Variants in CTBP2 observed in about 807,000 individuals in gnomAD.
CTBP2 encodes the protein C-terminal-binding protein 2.
CTBP2 carries 30 observed loss-of-function variants against 80.3 expected under a neutral mutation model. The observed-to-expected ratio is 0.37, with a 90% CI of 0.28 to 0.51. The LOEUF (loss-of-function observed/expected upper bound fraction) is 0.51, where lower values mean the gene tolerates loss of function less well. Ranked by LOEUF, CTBP2 falls within the 20% of genes least tolerant of loss-of-function variation. The probability of loss-of-function intolerance (pLI) is 0.93; values close to 1 mark genes in which losing one functional copy is unlikely to be tolerated. For synonymous variants in CTBP2, 594 were observed against 587.4 expected (o/e 1.01, Z -0.16); for missense variants, 1,212 against 1,375.3 (o/e 0.88, Z 1.88).
intron 2 of CTBP2, among the ~76,000 whole-genome samples, chr10:125,052,080 C>T (rs1017114506): frequency 2.6e-5 from 4 of 152,198 alleles, no homozygotes; most frequent in East Asian, 1.9e-4. Flanking sequence ...AACCCGAGCA[C>T]GCCAACACAT....
Position 124,984,883 on chromosome 10 carries a change from A to T in CTBP2, c.*4635T>A. On this transcript the variant is annotated 3_prime_UTR_variant, in exon 9 of 9. Coordinates refer to ENST00000309035, the MANE Select transcript of CTBP2 (RefSeq NM_022802.3). ...CAGAAGAGTTCTCGGCGGCGAAATC[A>T]CCCCCTGGTCACTCAGATGGTAGAA... 1 of 1,613,688 alleles carries T rather than the reference A, an allele frequency of 6.2e-7. No homozygotes were observed. The highest frequency in any genetic ancestry group is 8.5e-7 in the Non-Finnish European group (1 of 1,179,958).
intron 1 of CTBP2, among the ~76,000 whole-genome samples, chr10:125,150,363 G>A (rs1410325052): frequency 1.3e-5 from 2 of 152,232 alleles, no homozygotes; most frequent in Non-Finnish European, 2.9e-5. Flanking sequence ...ATAACCCCAG[G>A]AGAGTGTGCC....
chr10:125,142,644 C>G (rs1858033574), intron 1 of CTBP2, among the ~76,000 whole-genome samples: 1 of 152,148 alleles, frequency 6.6e-6, no homozygotes, highest in African/African-American at 2.4e-5. Context: ...ATTTTGAAAA[C>G]TTGATCCTTC....
intron 2 of CTBP2, among the ~76,000 whole-genome samples, chr10:125,083,844 G>A (rs559633786): frequency 8.0e-4 from 122 of 152,222 alleles, no homozygotes; most frequent in Non-Finnish European, 1.3e-3. Flanking sequence ...GCAGTGGTGC[G>A]ATCTGGGCTC....
intron 3 of CTBP2, among the ~76,000 whole-genome samples, chr10:125,036,666 GGGGT>G (rs1345865367): frequency 0.049 from 4,913 of 100,024 alleles, 67 homozygotes; most frequent in Admixed American, 0.095. Flanking sequence ...AAAGCTAGAG[GGGGT>G]GTGTGTGTGT....
rs77603788 is a variant in CTBP2 at position 124,994,534 on chromosome 10, C to T, written c.2335G>A (p.Val779Ile). ...TCGTTGAGATTGCAGTGCAAGGAGA[C>T]GCAGTCGCTCTGATACAGCAAATCC... The change falls in exon 5 of 9, where the codon GTC (valine) becomes ATC (isoleucine). Residue 779 changes from valine to isoleucine, a missense_variant. This residue lies in a region of CTBP2 where 335 missense variants were observed against 504.7 expected (regional missense o/e 0.66). Coordinates refer to ENST00000309035, the MANE Select transcript of CTBP2 (RefSeq NM_022802.3). The T allele has an allele frequency of 8.1e-6, 13 of 1,614,034 alleles. No homozygotes were observed. The highest frequency in any genetic ancestry group is 3.3e-5 in the Admixed American group (2 of 60,026).
intron 2 of CTBP2, among the ~76,000 whole-genome samples, chr10:125,084,216 A>C (rs1369660428): frequency 6.6e-6 from 1 of 152,168 alleles, no homozygotes; most frequent in Non-Finnish European, 1.5e-5. Flanking sequence ...TGGCCTCCCA[A>C]AGTCGTGGGA....
chr10:125,135,182 G>A (rs1335995149), intron 1 of CTBP2, among the ~76,000 whole-genome samples: 1 of 152,004 alleles, frequency 6.6e-6, no homozygotes, highest in African/African-American at 2.4e-5. Flanking sequence ...CCCTGACTCT[G>A]CCTTCTACAA....
intron 2 of CTBP2, among the ~76,000 whole-genome samples, chr10:125,081,333 G>A (rs970757581): frequency 6.6e-6 from 1 of 152,174 alleles, no homozygotes; most frequent in African/African-American, 2.4e-5. Flanking sequence ...GATCTTATTG[G>A]GACTACTGGC....
rs545888355 is a variant in CTBP2 at position 125,026,657 on chromosome 10, C to T, written c.1103G>A (p.Arg368Gln). ...GCTTCGGTGGCTGAAGCTGCTGGAC[C>T]GCGCCCGGGGCAGCGGGCCCCCCCG... The change falls in exon 1 of 9, where the codon CGG becomes CAG. Residue 368 changes from arginine (R) to glutamine (Q), a missense_variant. By Grantham distance (43) the Arg-to-Gln change is conservative. Transcript: ENST00000309035. 5.2e-5 allele frequency: 83 copies of T among 1,595,074 alleles called. No homozygotes were observed. The Middle Eastern group carries it at 8.4e-4, about 16-fold the overall frequency.
chr10:125,147,932 T>C (rs1043364222), intron 1 of CTBP2, among the ~76,000 whole-genome samples: 1 of 151,892 alleles, frequency 6.6e-6, no homozygotes, highest in South Asian at 2.1e-4. Flanking sequence ...ACACATACGG[T>C]ACGTCAGGCC....
At chr10:125,109,243 G>A (rs769713536) in intron 2 of CTBP2, among the ~76,000 whole-genome samples, 1 of 152,230 alleles carries the variant, frequency 6.6e-6, no homozygotes, top group African/African-American at 2.4e-5. Context: ...GGTCCATCCA[G>A]CGGAGATGCT....
Position 124,990,963 on chromosome 10 carries a change from C to G in CTBP2, c.2778-1265G>C, listed in dbSNP as rs531702147. Among the ~76,000 whole-genome samples, 27 of 152,354 alleles carry G rather than the reference C, an allele frequency of 1.8e-4. No individual in the cohort carries two copies. In the East Asian group the frequency reaches 4.2e-3, roughly 24 times the overall value. ...TACAAGCCACCCAGTCTATGCTACT[C>G]AATTATGGCAGCCAGAACTCACTAA... is the stretch of plus-strand genomic sequence containing the variant. On this transcript the variant is annotated intron_variant, in intron 8 of 8. Coordinates refer to ENST00000309035, the MANE Select transcript of CTBP2 (RefSeq NM_022802.3).
rs373332680 is a variant in CTBP2, at chr10:125,129,197, C to A, written c.-205-18104G>T. Among the ~76,000 whole-genome samples the A allele has an allele frequency of 5.1e-4, 77 of 152,078 alleles. No homozygotes were observed. In the South Asian group the frequency reaches 0.015, roughly 30 times the overall value. On this transcript the variant is annotated intron_variant, in intron 1 of 10. Transcript: ENST00000337195. Reference sequence around the variant, plus strand: ...ACTACCTCTGTTGAAGGAAAAGAAACCAAAACAGTGGTGGCCTGAGATGAT... The same window carrying A: ...ACTACCTCTGTTGAAGGAAAAGAAAACAAAACAGTGGTGGCCTGAGATGAT...
At chr10:125,074,354 TTTTC>T (rs1001698849) in intron 2 of CTBP2, among the ~76,000 whole-genome samples, 6 of 152,156 alleles carry the variant, frequency 3.9e-5, no homozygotes, top group African/African-American at 1.2e-4. Flanking sequence ...CACTGTCTTT[TTTTC>T]TTTCTTTTTC....
In CTBP2 at chr10:124,987,404, TAATA is replaced by T. The variant is rs1952080929; in HGVS notation, c.*2110_*2113del. On this transcript the variant is annotated 3_prime_UTR_variant, in exon 9 of 9. Coordinates refer to ENST00000309035, the MANE Select transcript of CTBP2 (RefSeq NM_022802.3). ...AATTTTTGTTTGGGCGACCAAGATC[TAATA>T]ATTAAAACCCAGGTGGACCATGGAT... The T allele has an allele frequency of 1.3e-5, 2 of 152,072 alleles. No individual in the cohort carries two copies. The highest frequency in any genetic ancestry group is 4.8e-5 in the African/African-American group (2 of 41,418). The allele number at this position is 152,072 out of a possible 1,614,324, so 9.4% of individuals were successfully genotyped here.
At chr10:125,096,985 A>C (rs530033890) in intron 2 of CTBP2, among the ~76,000 whole-genome samples, 1 of 152,214 alleles carries the variant, frequency 6.6e-6, no homozygotes, top group Admixed American at 6.5e-5. Flanking sequence ...CTACATTTCT[A>C]TCTCTTCTCA....
At chr10:125,074,542 CG>C (rs1340932592) in intron 2 of CTBP2, among the ~76,000 whole-genome samples, 7 of 152,096 alleles carry the variant, frequency 4.6e-5, no homozygotes. Context: ...TTGGTAGAGA[CG>C]GGGTTTCACC....
chr10:125,091,359 T>G (rs1299808601), intron 2 of CTBP2, among the ~76,000 whole-genome samples: 1 of 152,116 alleles, frequency 6.6e-6, no homozygotes. Flanking sequence ...ATCTGAGGAC[T>G]GGGGAGGGAA....
Sources: gnomAD v4.1 joint callset for allele counts (sites outside exome capture counted in the v4.1 genomes callset) on GRCh38, gnomAD v4.1.1 for gene constraint, gnomAD v4.1.1 regional missense constraint, MANE v1.5 for transcripts, NCBI Gene and HGNC (gene_info 2026-07-23, HGNC 2026-07-21) for gene names.